Variants in MDH1 observed in about 807,000 individuals in gnomAD.
MDH1 encodes the protein malate dehydrogenase 1.
A neutral mutation model predicts 38.7 loss-of-function variants in MDH1; 15 were observed. The observed-to-expected ratio is 0.39, with a 90% CI of 0.26 to 0.60. The LOEUF is 0.60. Among genes scored for constraint, MDH1 ranks in the 20% least tolerant of loss-of-function variants. MDH1 has a pLI of 0.56. For missense variants in MDH1, 368 were observed against 405.2 expected (o/e 0.91, Z 0.79); for synonymous variants, 144 against 143.6 (o/e 1.00, Z -0.02).
chr2:63,589,110 C>A, intron 1 of MDH1, 64 bp downstream of exon 1: 1 of 1,614,138 alleles, frequency 6.2e-7, no homozygotes, highest in Non-Finnish European at 8.5e-7. Flanking sequence ...GGGTTTCTTG[C>A]ACTTTAGGGA....
intron 3 of MDH1, among the ~76,000 whole-genome samples, chr2:63,596,892 CT>C (rs1323206446): frequency 3.3e-5 from 5 of 152,152 alleles, no homozygotes; most frequent in Admixed American, 1.3e-4. Context: ...CTCTTTAAAC[CT>C]CAGTGTCTCC....
intron 3 of MDH1, 125 bp from the exon 4 acceptor site, chr2:63,597,274 T>C: frequency 8.0e-7 from 1 of 1,245,022 alleles, no homozygotes; most frequent in Middle Eastern, 3.1e-4. Context: ...TCCTGAAATG[T>C]ATATCAGTGT....
At chr2:63,601,026 G>C (rs115912382) in intron 5 of MDH1, among the ~76,000 whole-genome samples, 1,615 of 152,256 alleles carry the variant, frequency 0.011, 20 homozygotes, top group Middle Eastern at 0.031. Context: ...CTTTGTCCTG[G>C]TGCCTGAAAC....
intron 3 of MDH1, 152 bp from the exon 4 acceptor site, chr2:63,597,247 T>C: frequency 8.2e-7 from 1 of 1,221,626 alleles, no homozygotes. Context: ...TAAATTAATA[T>C]ATTATCTTTC....
chr2:63,595,284 G>C, intron 2 of MDH1, 139 bp from the exon 3 acceptor site: 1 of 693,612 alleles, frequency 1.4e-6, no homozygotes, highest in Non-Finnish European at 2.7e-6. Flanking sequence ...CTAGATACCT[G>C]ACCTCCTAAA....
intron 5 of MDH1, among the ~76,000 whole-genome samples, chr2:63,600,746 C>T (rs138601971): frequency 0.013 from 1,955 of 152,188 alleles, 26 homozygotes; most frequent in Non-Finnish European, 0.02. Context: ...AGGCTATAGG[C>T]TGTGAGCTGG....
In MDH1 at chr2:63,594,332, G is replaced by A. The variant is rs749073205; in HGVS notation, c.4-156G>A. The A allele has an allele frequency of 4.0e-6, 3 of 742,564 alleles. No individual in the cohort carries two copies. In the South Asian group the frequency reaches 4.1e-5, roughly 10 times the overall value. The allele number at this position is 742,564 out of a possible 1,614,324, so 46.0% of individuals were successfully genotyped here. On this transcript the variant is annotated intron_variant, in intron 1 of 8. Transcript: ENST00000233114. ...GAGTTAAATAACACCACGTAAATAT[G>A]CAGCACATTCATTTTCTACTGAGCC... is the stretch of plus-strand genomic sequence containing the variant.
intron 1 of MDH1, chr2:63,589,529 C>T: frequency 1.3e-6 from 1 of 778,676 alleles, no homozygotes; most frequent in South Asian, 1.6e-5. Flanking sequence ...TTACGATCTG[C>T]GTTTGCAGCA....
intron 4 of MDH1, 132 bp from the exon 5 acceptor site, chr2:63,599,038 A>G: frequency 2.9e-6 from 2 of 686,126 alleles, no homozygotes; most frequent in South Asian, 3.5e-5. Flanking sequence ...TTCCTATGCT[A>G]TATTGTATTT....
At position 63,607,124 on chromosome 2, in the gene MDH1, G is replaced by A; in HGVS notation, c.*137G>A. ...CATTTTAAAGATTACGTGCTTCTTG[G>A]TACAGGTTTGTGAATGACAGTTTAT... On this transcript the variant is annotated 3_prime_UTR_variant, in exon 9 of 9. Transcript: ENST00000233114. 1 of 772,428 alleles carries A rather than the reference G, an allele frequency of 1.3e-6. No homozygotes were observed. The allele number at this position is 772,428 out of a possible 1,614,324, so 47.8% of individuals were successfully genotyped here.
chr2:63,589,410 G>C (rs1222472953), intron 1 of MDH1: 1 of 1,545,732 alleles, frequency 6.5e-7, no homozygotes, highest in South Asian at 1.2e-5. Context: ...GAAAGGTTGG[G>C]TCCTAACCCC....
chr2:63,606,912 T>G lies in MDH1; in HGVS notation c.930T>G (p.Arg310=). 6.2e-7 allele frequency: 1 copy of G among 1,612,580 alleles called. No homozygotes were observed. Among genetic ancestry groups the G allele is most frequent in the Non-Finnish European group, 8.5e-7 (1 of 1,178,896 alleles). Residue 310 remains arginine, a synonymous_variant, in exon 9 of 9, where the codon CGT becomes CGG. Coordinates refer to ENST00000233114, the MANE Select transcript of MDH1 (RefSeq NM_005917.4). ...GTCTCCCTATTAATGATTTCTCACGTGAGAAGATGGATCTTACTGCAAAGG... is the reference window on the plus strand; with the variant it reads ...GTCTCCCTATTAATGATTTCTCACGGGAGAAGATGGATCTTACTGCAAAGG... ...VEGLPINDFS[R]EKMDLTAKEL...
chr2:63,593,855 G>A (rs1709250557), intron 1 of MDH1, among the ~76,000 whole-genome samples: 1 of 151,930 alleles, frequency 6.6e-6, no homozygotes, highest in African/African-American at 2.4e-5. Flanking sequence ...TTGTTTCTAT[G>A]TCTGTATTTT....
intron 8 of MDH1, 76 bp from the exon 9 acceptor site, chr2:63,606,786 T>C (rs181309118): frequency 3.7e-5 from 42 of 1,132,320 alleles, no homozygotes; most frequent in Admixed American, 2.2e-4. Context: ...CCTCTAAATA[T>C]AAGTTCAAAC....
chr2:63,599,489 G>A, intron 5 of MDH1, 197 bp downstream of exon 5: 2 of 414,744 alleles, frequency 4.8e-6, no homozygotes, highest in East Asian at 4.8e-5. Context: ...AAGGACCAGA[G>A]GCTGGACTTC....
chr2:63,599,046 T>G, intron 4 of MDH1, 124 bp from the exon 5 acceptor site: 1 of 782,246 alleles, frequency 1.3e-6, no homozygotes. Flanking sequence ...CTATATTGTA[T>G]TTGGTGTTTC....
intron 1 of MDH1, among the ~76,000 whole-genome samples, chr2:63,591,548 A>AATAACTT (rs1709201654): frequency 1.3e-5 from 2 of 152,206 alleles, no homozygotes; most frequent in Non-Finnish European, 2.9e-5. Context: ...CATATAGGTG[A>AATAACTT]CCTTATGGGA....
chr2:63,596,768 C>G (rs765190951), intron 3 of MDH1, among the ~76,000 whole-genome samples: 3 of 152,054 alleles, frequency 2.0e-5, no homozygotes, highest in Non-Finnish European at 4.4e-5. Context: ...GTTCTTTAGT[C>G]AAAAAGCAAG....
rs761702932 is a variant in MDH1 at position 63,597,483 on chromosome 2, G to A, written c.284G>A (p.Gly95Asp). 1 of 1,524,352 alleles carries A rather than the reference G, an allele frequency of 6.6e-7. No homozygotes were observed. 94.4% of individuals were successfully genotyped at this position (1,524,352 alleles called of 1,614,324 possible). The change falls in exon 4 of 9, where the codon GGC becomes GAC. Residue 95 changes from glycine (G) to aspartate (D), a missense_variant. Coordinates refer to ENST00000233114, the MANE Select transcript of MDH1 (RefSeq NM_005917.4). ...ILVGSMPRRE[G>D]MERKDLLKAN... is the part of the protein sequence containing the mutation. ...GTGGGCTCCATGCCAAGAAGGGAAGGCATGGAGAGAAAAGATTTACTGAAA... is the reference window on the plus strand; with the variant it reads ...GTGGGCTCCATGCCAAGAAGGGAAGACATGGAGAGAAAAGATTTACTGAAA...
Sources: allele counts gnomAD v4.1 joint callset (sites outside exome capture counted in the v4.1 genomes callset), GRCh38; gene constraint gnomAD v4.1.1; transcripts MANE v1.5; gene names NCBI Gene and HGNC (gene_info 2026-07-23, HGNC 2026-07-21).